Variants in ARHGAP39 observed in about 807,000 individuals in gnomAD.
ARHGAP39 encodes the protein rho GTPase-activating protein 39.
In ARHGAP39, 44 loss-of-function variants were observed where a neutral mutation model predicts 106.9. The ratio of observed to expected loss-of-function variants is 0.41; its 90% CI spans 0.32 to 0.53. The LOEUF is 0.53. Ranked by LOEUF, ARHGAP39 falls within the 20% of genes least tolerant of loss-of-function variation. ARHGAP39 has a pLI of 0.21. For missense variants in ARHGAP39, 1,496 were observed against 1,577.3 expected, an observed-to-expected ratio of 0.95 and a Z score of 0.87; for synonymous variants, 768 against 693.2, an observed-to-expected ratio of 1.11 and a Z score of -1.69.
intron 7 of ARHGAP39, among the ~76,000 whole-genome samples, chr8:144,536,899 G>A (rs1313703547): frequency 6.6e-6 from 1 of 152,252 alleles, no homozygotes; most frequent in African/African-American, 2.4e-5. Flanking sequence ...GCTTCCTGGA[G>A]GAAGAGGTGC....
At chr8:144,627,955 G>A (rs960476710) in intron 1 of ARHGAP39, among the ~76,000 whole-genome samples, 6 of 152,158 alleles carry the variant, frequency 3.9e-5, no homozygotes, top group East Asian at 1.9e-4. Context: ...TGGGGGGCCC[G>A]CCGCAACTCA....
At chr8:144,692,034 G>C in the ARHGAP39 span, among the ~76,000 whole-genome samples, 1 of 152,032 alleles carries the variant, frequency 6.6e-6, no homozygotes, top group Non-Finnish European at 1.5e-5. Context: ...TCCTAAAACT[G>C]AAGAGGACTC....
chr8:144,571,409 A>C (rs1361985688), intron 3 of ARHGAP39, among the ~76,000 whole-genome samples: 1 of 152,246 alleles, frequency 6.6e-6, no homozygotes, highest in Non-Finnish European at 1.5e-5. Flanking sequence ...CAATAGATGC[A>C]GAAAAGGCCT....
chr8:144,698,494 T>G, the ARHGAP39 span: 1 of 173,446 alleles, frequency 5.8e-6, no homozygotes, highest in African/African-American at 2.4e-5. Flanking sequence ...CTTGGAAGAT[T>G]GTAATTAACT....
chr8:144,619,827 A>T (rs1486160188), intron 1 of ARHGAP39, among the ~76,000 whole-genome samples: 1 of 135,354 alleles, frequency 7.4e-6, no homozygotes, highest in Non-Finnish European at 1.6e-5. Context: ...TGTCCCTGAG[A>T]GTGTGTGTGC....
At position 144,548,373 on chromosome 8, in the gene ARHGAP39, G is replaced by C; in HGVS notation, c.713C>G (p.Pro238Arg). 6.2e-7 allele frequency: 1 copy of C among 1,609,364 alleles called. No individual in the cohort carries two copies. The highest frequency in any genetic ancestry group is 8.5e-7 in the Non-Finnish European group (1 of 1,178,314). ...QGNGYAPDGP[P>R]GVRSRRPSGS... is the part of the protein sequence containing the mutation. ...GGAGGGTCTGCGGGAGCGGACCCCA[G>C]GTGGGCCGTCTGGGGCGTAGCCATT... Residue 238 changes from proline (P) to arginine (R), a missense_variant, in exon 5 of 12, where the codon CCT becomes CGT. Physicochemically the swap from Pro to Arg is moderately radical, Grantham distance 103 (BLOSUM62 -2). This residue lies in a region of ARHGAP39 where 905 missense variants were observed against 816.4 expected (regional missense o/e 1.11). Transcript: ENST00000377307. The surrounding 1 kb of genome is among the most constrained non-coding windows in gnomAD (Gnocchi z 7.4).
Position 144,684,830 on chromosome 8 carries a change from G to A in ARHGAP39, c.-82+856C>T, listed in dbSNP as rs532180353. Reference sequence around the variant, plus strand: ...AGCCCCAGCCCGCGCCTGCCGCAGAGGCGAGGCCGCAGAGCCCACCCGCAG... The same window carrying A: ...AGCCCCAGCCCGCGCCTGCCGCAGAAGCGAGGCCGCAGAGCCCACCCGCAG... On this transcript the variant is annotated intron_variant, in intron 1 of 11. Transcript: ENST00000377307. The surrounding 1 kb of genome is among the most constrained non-coding windows in gnomAD (Gnocchi z 4.4). Among the ~76,000 whole-genome samples the A allele has an allele frequency of 6.6e-6, 1 of 152,304 alleles. No homozygotes were observed. Among genetic ancestry groups the A allele is most frequent in the African/African-American group, 2.4e-5 (1 of 41,560 alleles).
chr8:144,567,676 A>G (rs1224109214), intron 3 of ARHGAP39, among the ~76,000 whole-genome samples: 2 of 152,212 alleles, frequency 1.3e-5, no homozygotes, highest in Non-Finnish European at 1.5e-5. Context: ...TCTGCCTTCT[A>G]GATAGCAGTA....
chr8:144,696,269 G>A, the ARHGAP39 span, among the ~76,000 whole-genome samples: 5 of 152,082 alleles, frequency 3.3e-5, no homozygotes, highest in Non-Finnish European at 7.4e-5. Context: ...CTCCTGAGTC[G>A]TTAGGATGAC....
intron 6 of ARHGAP39, among the ~76,000 whole-genome samples, chr8:144,542,428 G>A (rs571132488): frequency 6.6e-6 from 1 of 152,204 alleles, no homozygotes; most frequent in South Asian, 2.1e-4. Flanking sequence ...AGGGTGCTCA[G>A]GGCGACGCAC....
intron 3 of ARHGAP39, among the ~76,000 whole-genome samples, chr8:144,579,201 CAAAAAAAAAAAA>C (rs541332282): frequency 0.012 from 490 of 39,946 alleles, 18 homozygotes; most frequent in African/African-American, 0.039. Flanking sequence ...GACTCTGTCT[CAAAAAAAAAAAA>C]AAAAAAAAAA....
chr8:144,632,968 C>T (rs1224083084), intron 1 of ARHGAP39, among the ~76,000 whole-genome samples: 1 of 152,240 alleles, frequency 6.6e-6, no homozygotes, highest in Non-Finnish European at 1.5e-5. Flanking sequence ...AGTGAGACCC[C>T]ATCTCTATAA....
At chr8:144,675,958 C>T (rs1822225288) in intron 1 of ARHGAP39, among the ~76,000 whole-genome samples, 1 of 151,946 alleles carries the variant, frequency 6.6e-6, no homozygotes, top group Non-Finnish European at 1.5e-5. Context: ...GTTGTTCCTT[C>T]CTCCCGTCAG....
intron 1 of ARHGAP39, among the ~76,000 whole-genome samples, chr8:144,681,942 G>C (rs979676867): frequency 1.3e-5 from 2 of 152,136 alleles, no homozygotes; most frequent in Non-Finnish European, 2.9e-5. Flanking sequence ...AGAAATATGG[G>C]GAATCTTTCC....
At chr8:144,687,919 C>T (rs1822662642), upstream of ARHGAP39, among the ~76,000 whole-genome samples, 4 of 141,168 alleles carry the variant, frequency 2.8e-5, no homozygotes, top group Non-Finnish European at 6.4e-5. Flanking sequence ...CACACACTGG[C>T]GGTGAGCACT....
intron 4 of ARHGAP39, among the ~76,000 whole-genome samples, chr8:144,555,292 TC>T (rs1586899881): frequency 6.6e-6 from 1 of 152,230 alleles, no homozygotes; most frequent in East Asian, 1.9e-4. Flanking sequence ...ACTCTGCTGC[TC>T]CACCAGGGGC....
At chr8:144,552,142 G>A (rs1165275726) in intron 4 of ARHGAP39, among the ~76,000 whole-genome samples, 1 of 152,228 alleles carries the variant, frequency 6.6e-6, no homozygotes, top group Non-Finnish European at 1.5e-5. Context: ...CCTTAAGAGC[G>A]GTCGTGGCCT....
At chr8:144,617,869 C>A (rs761900918) in intron 1 of ARHGAP39, among the ~76,000 whole-genome samples, 1 of 152,198 alleles carries the variant, frequency 6.6e-6, no homozygotes, top group Non-Finnish European at 1.5e-5. Context: ...GTAGTCTCAA[C>A]CTCCCGGGCT....
chr8:144,674,191 C>T (rs528260831), intron 1 of ARHGAP39, among the ~76,000 whole-genome samples: 99 of 152,118 alleles, frequency 6.5e-4, no homozygotes, highest in Non-Finnish European at 1.1e-3. Context: ...CATTTAGTCC[C>T]GCCATTCAGC....
Sources: gnomAD v4.1 joint callset for allele counts (sites outside exome capture counted in the v4.1 genomes callset) on GRCh38, gnomAD v4.1.1 for gene constraint, gnomAD v4.1.1 regional missense constraint, Gnocchi (gnomAD v3.1) non-coding constraint, MANE v1.5 for transcripts, NCBI Gene and HGNC (gene_info 2026-07-23, HGNC 2026-07-21) for gene names.